Variants in A2M observed in about 807,000 individuals in gnomAD.
A2M encodes C3 and PZP-like alpha-2-macroglobulin domain-containing protein 5.
In A2M, 128 loss-of-function variants were observed where a neutral mutation model predicts 183.9. That is an observed-to-expected ratio of 0.70 (90% confidence interval 0.60 to 0.81). The LOEUF is 0.81. Among genes scored for constraint, A2M ranks in the 30% least tolerant of loss-of-function variants. The pLI is 0.00. For missense variants in A2M, 1,495 were observed against 1,787.6 expected (o/e 0.84, Z 2.95); for synonymous variants, 592 against 670.8 (o/e 0.88, Z 1.81).
intron 10 of A2M, among the ~76,000 whole-genome samples, chr12:9,105,625 G>A (rs1938225709): frequency 6.6e-6 from 1 of 152,086 alleles, no homozygotes; most frequent in South Asian, 2.1e-4. Context: ...CAGAAAAATT[G>A]TAAGAGAAGA....
At chr12:9,095,113 A>AAATGTATATTTTAT in intron 16 of A2M, 29 bp from the exon 17 acceptor site, 1 of 1,147,664 alleles carries the variant, frequency 8.7e-7, no homozygotes, top group Non-Finnish European at 1.2e-6. Flanking sequence ...TCTAATCAGT[A>AAATGTATATTTTAT]AATATATATT....
intron 33 of A2M, among the ~76,000 whole-genome samples, chr12:9,069,276 A>C (rs1177159517): frequency 6.6e-6 from 1 of 152,242 alleles, no homozygotes; most frequent in Non-Finnish European, 1.5e-5. Context: ...CTTATGCATG[A>C]ACAAACTCTC....
rs748374263 is a variant in A2M, at chr12:9,112,587, T to C, written c.271-51A>G. 550 of 1,603,138 alleles carry C rather than the reference T, an allele frequency of 3.4e-4. 9 individuals are homozygous for C. The East Asian group carries it at 0.012, about 35-fold the overall frequency. ...CCCCATTCAGCACCCGCAGGTCTCCTCCCCTATTTGCTGTTGCACTCTTCC... is the reference window on the plus strand; with the variant it reads ...CCCCATTCAGCACCCGCAGGTCTCCCCCCCTATTTGCTGTTGCACTCTTCC... On this transcript the variant is annotated intron_variant, in intron 2 of 35. Coordinates refer to ENST00000318602, the MANE Select transcript of A2M (RefSeq NM_000014.6).
chr12:9,098,621 G>T lies in A2M; in HGVS notation c.1837C>A (p.Leu613Ile). 6.2e-7 allele frequency: 1 copy of T among 1,605,056 alleles called. No homozygotes were observed. The highest frequency in any genetic ancestry group is 8.5e-7 in the Non-Finnish European group (1 of 1,176,056). ...SVLLMKPDAE[L>I]SASSVYNLLP... ...CAGGAACTCACCGAGGACGCCGAGA[G>T]CTCAGCATCAGGCTTCATGAGCAGC... is the stretch of plus-strand genomic sequence containing the variant. Residue 613 changes from leucine (L) to isoleucine (I), a missense_variant, in exon 15 of 36, where the codon CTC (leucine) becomes ATC (isoleucine). Coordinates refer to ENST00000318602, the MANE Select transcript of A2M (RefSeq NM_000014.6).
chr12:9,113,637 G>C, intron 1 of A2M, 94 bp from the exon 2 acceptor site: 2 of 1,226,356 alleles, frequency 1.6e-6, no homozygotes, highest in Non-Finnish European at 2.3e-6. Context: ...ATCATCATCA[G>C]TTCTACACCA....
At chr12:9,085,301 G>A (rs1371188011) in intron 22 of A2M, among the ~76,000 whole-genome samples, 4 of 151,928 alleles carry the variant, frequency 2.6e-5, no homozygotes, top group Admixed American at 1.3e-4. Flanking sequence ...TCGTTTCATC[G>A]TATCAAGTAT....
chr12:9,091,865 C>T (rs1367509800), intron 18 of A2M, among the ~76,000 whole-genome samples: 2 of 152,158 alleles, frequency 1.3e-5, no homozygotes, highest in East Asian at 3.9e-4. Flanking sequence ...GGTCCTTATG[C>T]CCATTTTCTG....
At chr12:9,106,085 T>C (rs1938260935) in intron 10 of A2M, 151 bp downstream of exon 10, 1 of 518,066 alleles carries the variant, frequency 1.9e-6, no homozygotes, top group Non-Finnish European at 3.5e-6. Flanking sequence ...TTTATACCTT[T>C]GGTTATACTA....
At position 9,077,837 on chromosome 12, in the gene A2M, T is replaced by G; in HGVS notation, c.3140A>C (p.Lys1047Thr). 6.2e-7 allele frequency: 1 copy of G among 1,614,110 alleles called. No homozygotes were observed. Among genetic ancestry groups the G allele is most frequent in the Non-Finnish European group, 8.5e-7 (1 of 1,179,990 alleles). The change falls in exon 26 of 36, where the codon AAG becomes ACG. Residue 1047 changes from lysine to threonine, a missense_variant. Transcript: ENST00000318602. ...GTAGGCTCGAGCTTGGGCAAAAGTCTTCAGAACAAAGGCTGTGAGCCTGAC... is the reference window on the plus strand; with the variant it reads ...GTAGGCTCGAGCTTGGGCAAAAGTCGTCAGAACAAAGGCTGTGAGCCTGAC... Reference protein sequence around the residue: ...GNTWLTAFVLKTFAQARAYIF... With the variant: ...GNTWLTAFVLTTFAQARAYIF...
chr12:9,115,949 G>T, upstream of A2M: 1 of 942,120 alleles, frequency 1.1e-6, no homozygotes, highest in Non-Finnish European at 1.7e-6. Context: ...TGGGCTTTAT[G>T]CTGCTCTGTG....
chr12:9,102,438 T>A (rs226394), intron 11 of A2M, among the ~76,000 whole-genome samples: 85,141 of 151,896 alleles, frequency 0.56, 25,478 homozygotes, highest in African/African-American at 0.76. Context: ...CTCGTCTCGA[T>A]CTCCTGGCCT....
At chr12:9,109,274 C>G in intron 7 of A2M, 47 bp downstream of exon 7, 2 of 1,468,884 alleles carry the variant, frequency 1.4e-6, no homozygotes, top group Non-Finnish European at 1.9e-6. Flanking sequence ...AATGGTGAGT[C>G]TCTTTTAAAT....
intron 22 of A2M, among the ~76,000 whole-genome samples, chr12:9,081,762 T>C (rs2137718942): frequency 6.6e-6 from 1 of 152,256 alleles, no homozygotes; most frequent in African/African-American, 2.4e-5. Flanking sequence ...TCAAAGACAC[T>C]TCTCAGGAAG....
At chr12:9,080,201 A>AT (rs1948869866) in intron 22 of A2M, 24 bp from the exon 23 acceptor site, 1 of 1,474,212 alleles carries the variant, frequency 6.8e-7, no homozygotes, top group African/African-American at 1.4e-5. Flanking sequence ...CAAATCAGAC[A>AT]TATGAAAATT....
chr12:9,090,821 T>A (rs1949188224), intron 19 of A2M, among the ~76,000 whole-genome samples: 1 of 152,200 alleles, frequency 6.6e-6, no homozygotes, highest in Non-Finnish European at 1.5e-5. Context: ...TAAACAGTTA[T>A]GGTTTCAGCA....
chr12:9,090,647 G>A (rs1352485573), intron 19 of A2M, 165 bp from the exon 20 acceptor site: 4 of 688,118 alleles, frequency 5.8e-6, no homozygotes, highest in Non-Finnish European at 9.4e-6. Context: ...GGATCTTAAT[G>A]TATCAGATTT....
chr12:9,115,267 A>T (rs1379879711), intron 1 of A2M: 1 of 154,150 alleles, frequency 6.5e-6, no homozygotes, highest in Non-Finnish European at 1.4e-5. Context: ...CCTCATCTGC[A>T]AAAGGATTTC....
chr12:9,072,600 G>T, intron 30 of A2M, 53 bp downstream of exon 30: 1 of 1,599,050 alleles, frequency 6.3e-7, no homozygotes, highest in South Asian at 1.1e-5. Flanking sequence ...ACTTCTCAGA[G>T]AGAACAGCTG....
chr12:9,079,135 A>G (rs1376256611), intron 25 of A2M, 109 bp downstream of exon 25: 2 of 803,858 alleles, frequency 2.5e-6, no homozygotes, highest in Admixed American at 5.4e-5. Flanking sequence ...ATAACAAACC[A>G]TCGGTCTGAT....
Sources: gnomAD v4.1 joint callset for allele counts (sites outside exome capture counted in the v4.1 genomes callset) on GRCh38, gnomAD v4.1.1 for gene constraint, MANE v1.5 for transcripts, NCBI Gene and HGNC (gene_info 2026-07-23, HGNC 2026-07-21) for gene names.